The following ACSS1 variants were observed in gnomAD, a reference collection of about 807,000 sequenced individuals.
ACSS1 encodes the protein acyl-CoA synthetase short chain family member 1.
ACSS1 carries 42 observed loss-of-function variants against 75.3 expected under a neutral mutation model. That is an observed-to-expected ratio of 0.56 (90% confidence interval 0.44 to 0.72). ACSS1 has a LOEUF of 0.72. Ranked by LOEUF, ACSS1 falls within the 30% of genes least tolerant of loss-of-function variation. The probability of loss-of-function intolerance (pLI) is 0.00; values close to 1 mark genes in which losing one functional copy is unlikely to be tolerated. For missense variants in ACSS1, 782 were observed against 935.7 expected (o/e 0.84, Z 2.14); for synonymous variants, 380 against 376.8 (o/e 1.01, Z -0.10).
intron 1 of ACSS1, among the ~76,000 whole-genome samples, chr20:25,050,812 C>T (rs191723808): frequency 1.3e-5 from 2 of 152,148 alleles, no homozygotes; most frequent in East Asian, 3.9e-4. Context: ...CCATTTTATA[C>T]CAAGCAGGAA....
chr20:25,014,986 C>T (rs2088490193), intron 8 of ACSS1, 152 bp downstream of exon 8: 3 of 555,706 alleles, frequency 5.4e-6, no homozygotes, highest in Admixed American at 3.8e-5. Flanking sequence ...CTCTGAGTTC[C>T]CTCACTCTAG....
At chr20:25,013,831 A>C in intron 9 of ACSS1, 130 bp downstream of exon 9, 1 of 1,323,292 alleles carries the variant, frequency 7.6e-7, no homozygotes. Flanking sequence ...TACCAGCTGC[A>C]GTGAACGCTG....
rs567540153 is a variant in ACSS1 at position 25,049,883 on chromosome 20, G to A, written c.335-1702C>T. Among the ~76,000 whole-genome samples the A allele has an allele frequency of 7.2e-5, 11 of 152,206 alleles. No homozygotes were observed. In the South Asian group the frequency reaches 1.7e-3, roughly 23 times the overall value. The stretch of plus-strand genomic sequence containing the variant: ...GTAACAGTCCAGTTCTTCACCAGGC[G>A]GTGAAGAACTGCTCTATGCAACAAG... On this transcript the variant is annotated intron_variant, in intron 1 of 13. Coordinates refer to ENST00000323482, the MANE Select transcript of ACSS1 (RefSeq NM_032501.4).
At chr20:25,029,659 G>A (rs184902749) in intron 3 of ACSS1, among the ~76,000 whole-genome samples, 30 of 152,184 alleles carry the variant, frequency 2.0e-4, no homozygotes, top group African/African-American at 6.7e-4. Flanking sequence ...ATGAAATACC[G>A]ATACATGCCA....
At chr20:25,021,336 G>C in intron 6 of ACSS1, 53 bp downstream of exon 6, 1 of 1,592,508 alleles carries the variant, frequency 6.3e-7, no homozygotes, top group Non-Finnish European at 8.6e-7. Flanking sequence ...CGAGCCTCAG[G>C]CTCTCTCCCC....
chr20:25,007,936 C>T lies in ACSS1; in HGVS notation c.1896G>A (p.Val632=), dbSNP rs1293845649. The change falls in exon 14 of 14, where the codon GTG becomes GTA. Residue 632 remains valine (V), a synonymous_variant. Transcript: ENST00000323482. The part of the protein sequence containing the change: ...KYAVPDEILV[V]KRLPKTRSGK... ...CAGACCTGGTTTTTGGAAGACGTTTCACCACCTGGCAAGGAACAGGCACAG... is the reference window on the plus strand; with the variant it reads ...CAGACCTGGTTTTTGGAAGACGTTTTACCACCTGGCAAGGAACAGGCACAG... 2 of 1,613,834 alleles carry T rather than the reference C, an allele frequency of 1.2e-6. No homozygotes were observed. The highest frequency in any genetic ancestry group is 1.7e-6 in the Non-Finnish European group (2 of 1,179,900).
At chr20:25,010,700 G>C (rs1458306801) in intron 12 of ACSS1, 1 of 152,344 alleles carries the variant, frequency 6.6e-6, no homozygotes, top group Non-Finnish European at 1.5e-5. Context: ...CTTGGTCGTT[G>C]ATATGGGATC....
chr20:25,024,596 G>A (rs1005667997), intron 3 of ACSS1, among the ~76,000 whole-genome samples: 1 of 152,222 alleles, frequency 6.6e-6, no homozygotes, highest in Admixed American at 6.5e-5. Context: ...CATAATTGGG[G>A]TACAAATCCT....
chr20:25,013,389 G>T, intron 10 of ACSS1, 147 bp downstream of exon 10: 1 of 1,022,772 alleles, frequency 9.8e-7, no homozygotes, highest in Non-Finnish European at 1.4e-6. Flanking sequence ...AAGGGAGAGG[G>T]GTGCGGAGTC....
At chr20:25,046,895 G>C in intron 2 of ACSS1, 1 of 779,656 alleles carries the variant, frequency 1.3e-6, no homozygotes, top group Non-Finnish European at 2.4e-6. Context: ...AATGCGTGCT[G>C]TATAGGCTGT....
intron 13 of ACSS1, among the ~76,000 whole-genome samples, chr20:25,008,389 C>T (rs574182513): frequency 6.6e-6 from 1 of 152,240 alleles, no homozygotes; most frequent in African/African-American, 2.4e-5. Flanking sequence ...GGAGCATGCT[C>T]AAACAACTAC....
In ACSS1 at chr20:25,006,576, T is replaced by C. The variant is rs2088311478; in HGVS notation, c.*1186A>G. On this transcript the variant is annotated 3_prime_UTR_variant, in exon 14 of 14. Coordinates refer to ENST00000323482, the MANE Select transcript of ACSS1 (RefSeq NM_032501.4). ...TGCCACAAGGCCCTGAAGGGTAGAC[T>C]GTGGGGCAAAGAGGACAAACTCTCC... The C allele has an allele frequency of 2.4e-6, 1 of 420,148 alleles. No individual in the cohort carries two copies. Among genetic ancestry groups the C allele is most frequent in the Non-Finnish European group, 4.4e-6 (1 of 228,204 alleles). 26.0% of individuals were successfully genotyped at this position (420,148 alleles called of 1,614,324 possible).
chr20:25,048,540 G>A (rs950450785), intron 1 of ACSS1, among the ~76,000 whole-genome samples: 6 of 152,188 alleles, frequency 3.9e-5, no homozygotes, highest in Admixed American at 2.0e-4. Context: ...GTGCAGCCAG[G>A]GCTGGGCACT....
Position 25,009,401 on chromosome 20 carries a change from C to G in ACSS1, c.1772-13G>C, listed in dbSNP as rs2088367616. The stretch of plus-strand genomic sequence containing the variant: ...AAGGCAAAGGCAGCTGAAAATAAAG[C>G]CAAGTTTGGGGATGTATTAAATACT... On this transcript the variant is annotated splice_polypyrimidine_tract_variant and intron_variant, in intron 12 of 13. Coordinates refer to ENST00000323482, the MANE Select transcript of ACSS1 (RefSeq NM_032501.4). 2.5e-6 allele frequency: 4 copies of G among 1,606,634 alleles called. No individual in the cohort carries two copies. Among genetic ancestry groups the G allele is most frequent in the Non-Finnish European group, 3.4e-6 (4 of 1,173,126 alleles).
chr20:25,044,957 G>C (rs2089062898), intron 2 of ACSS1, among the ~76,000 whole-genome samples: 2 of 152,238 alleles, frequency 1.3e-5, no homozygotes, highest in South Asian at 4.1e-4. Context: ...GAAGGAGGAA[G>C]CGGGGCAAAA....
At chr20:25,009,154 A>T in intron 13 of ACSS1, 116 bp downstream of exon 13, 1 of 926,422 alleles carries the variant, frequency 1.1e-6, no homozygotes, top group Non-Finnish European at 1.7e-6. Flanking sequence ...CCAAACAGCT[A>T]GTGTCCGTTT....
intron 12 of ACSS1, chr20:25,010,715 G>C (rs1022813738): frequency 6.6e-6 from 1 of 152,328 alleles, no homozygotes; most frequent in African/African-American, 2.4e-5. Context: ...GGGATCAGAA[G>C]TGGGCCTGGA....
chr20:25,052,851 C>T (rs1288111158), intron 1 of ACSS1, among the ~76,000 whole-genome samples: 1 of 152,186 alleles, frequency 6.6e-6, no homozygotes, highest in East Asian at 1.9e-4. Context: ...GGCCAATGCC[C>T]GTGGCTGGGG....
chr20:25,011,356 C>G (rs999746982), intron 12 of ACSS1: 1 of 152,382 alleles, frequency 6.6e-6, no homozygotes, highest in East Asian at 1.9e-4. Context: ...GGACCATGCC[C>G]GGACCCCTCT....
Sources: gnomAD v4.1 joint callset for allele counts (sites outside exome capture counted in the v4.1 genomes callset) on GRCh38, gnomAD v4.1.1 for gene constraint, MANE v1.5 for transcripts, NCBI Gene and HGNC (gene_info 2026-07-23, HGNC 2026-07-21) for gene names.